RCSD1: variants seen among roughly 807,000 people sequenced by gnomAD.
RCSD1 encodes the protein RCSD domain containing 1.
A neutral mutation model predicts 42.5 loss-of-function variants in RCSD1; 26 were observed. The observed-to-expected ratio is 0.61, with a 90% CI of 0.45 to 0.85. RCSD1 has a LOEUF of 0.85. Among genes scored for constraint, RCSD1 ranks in the 40% least tolerant of loss-of-function variants. The pLI is 0.00. For synonymous variants in RCSD1, 220 were observed against 212.2 expected (o/e 1.04, Z -0.32); for missense variants, 571 against 528.3 (o/e 1.08, Z -0.79).
At position 167,630,267 on chromosome 1, in the gene RCSD1, G is replaced by T. The variant is rs1432621716; in HGVS notation, c.-157G>T. On this transcript the variant is annotated 5_prime_UTR_variant, in exon 1 of 7. Coordinates refer to ENST00000367854, the MANE Select transcript of RCSD1 (RefSeq NM_052862.4). ...GGGCCCCCGCGGCCGGGGCAGTCCC[G>T]CAGCCGAGCGCAGCCGGGCGCGCGC... 2 of 508,038 alleles carry T rather than the reference G, an allele frequency of 3.9e-6. No homozygotes were observed. Among genetic ancestry groups the T allele is most frequent in the Non-Finnish European group, 5.1e-6 (2 of 391,134 alleles). 31.5% of individuals were successfully genotyped at this position (508,038 alleles called of 1,614,324 possible). A position where few individuals can be genotyped will look rare whatever the true frequency, so the allele number is the denominator to read the frequency against.
At position 167,704,932 on chromosome 1, in the gene RCSD1, T is replaced by C. The variant is rs921020779; in HGVS notation, c.*236T>C. The C allele has an allele frequency of 7.8e-5, 38 of 485,902 alleles. 1 individual carries two copies. The highest frequency in any genetic ancestry group is 6.4e-4 in the South Asian group (30 of 47,014). The allele number at this position is 485,902 out of a possible 1,614,324, so 30.1% of individuals were successfully genotyped here. On this transcript the variant is annotated 3_prime_UTR_variant, in exon 7 of 7. Transcript: ENST00000367854. ...TTTTATCAGCTTGAGTTTATGTCAT[T>C]TGATGGACTTGGTTCAACAACAAGA...
Position 167,685,485 on chromosome 1 carries a change from T to G in RCSD1, c.173T>G (p.Val58Gly), listed in dbSNP as rs767271482. Residue 58 changes from valine (V) to glycine (G), a missense_variant, in exon 3 of 7, where the codon GTA becomes GGA. Physicochemically the swap from Val to Gly is moderately radical, Grantham distance 109. Coordinates refer to ENST00000367854, the MANE Select transcript of RCSD1 (RefSeq NM_052862.4). ...TCCCTCCCCCTGTTCCCCCCCAAGG[T>G]AGACCTGGGCCAGAATGGTGAGGAG... ...PCSLPLFPPKVDLGQNGEEKS... is the reference protein window; with the variant it reads ...PCSLPLFPPKGDLGQNGEEKS... 6.2e-7 allele frequency: 1 copy of G among 1,613,718 alleles called. No homozygotes were observed. Among genetic ancestry groups the G allele is most frequent in the Non-Finnish European group, 8.5e-7 (1 of 1,179,838 alleles).
At chr1:167,647,615 T>G (rs1658190778) in intron 1 of RCSD1, among the ~76,000 whole-genome samples, 1 of 152,120 alleles carries the variant, frequency 6.6e-6, no homozygotes, top group African/African-American at 2.4e-5. Flanking sequence ...GTGGTGCACC[T>G]GTAGTCCCAG....
chr1:167,643,640 G>T (rs1658060475), intron 1 of RCSD1, among the ~76,000 whole-genome samples: 1 of 152,020 alleles, frequency 6.6e-6, no homozygotes, highest in Non-Finnish European at 1.5e-5. Flanking sequence ...CACACAGAGA[G>T]CCATATGGCT....
intron 2 of RCSD1, among the ~76,000 whole-genome samples, chr1:167,684,684 G>T (rs1659179364): frequency 6.6e-6 from 1 of 152,160 alleles, no homozygotes; most frequent in Non-Finnish European, 1.5e-5. Context: ...CGACCAGCCT[G>T]ACCAACATGG....
intron 4 of RCSD1, among the ~76,000 whole-genome samples, chr1:167,690,736 T>TC (rs141410679): frequency 0.012 from 1,789 of 152,186 alleles, 33 homozygotes; most frequent in African/African-American, 0.042. Context: ...CATAAACACT[T>TC]TGAAATAGCC....
intron 1 of RCSD1, among the ~76,000 whole-genome samples, chr1:167,638,132 T>G (rs1657907899): frequency 6.6e-6 from 1 of 152,220 alleles, no homozygotes; most frequent in African/African-American, 2.4e-5. Context: ...TTTCCCACCC[T>G]GCTGGGCTGC....
Position 167,697,731 on chromosome 1 carries a change from A to G in RCSD1, c.1107A>G (p.Glu369=). 1 of 1,582,216 alleles carries G rather than the reference A, an allele frequency of 6.3e-7. No individual in the cohort carries two copies. The highest frequency in any genetic ancestry group is 2.3e-5 in the East Asian group (1 of 44,108). The change falls in exon 6 of 7, where the codon GAA becomes GAG. Residue 369 remains glutamate, a synonymous_variant. Coordinates refer to ENST00000367854, the MANE Select transcript of RCSD1 (RefSeq NM_052862.4). The part of the protein sequence containing the change: ...GDVPKQEKGK[E]KQQEGAVLEP... ...TCCCCAAGCAGGAAAAAGGCAAGGA[A>G]AAACAACAGGAGGGGGCAGTGCTCG...
chr1:167,683,946 C>T lies in RCSD1; in HGVS notation c.53C>T (p.Pro18Leu). The change falls in exon 2 of 7, where the codon CCC becomes CTC. Residue 18 changes from proline to leucine, a missense_variant. Coordinates refer to ENST00000367854, the MANE Select transcript of RCSD1 (RefSeq NM_052862.4). ...GCCAATGTGGACAACTCGGCGTCCC[C>T]CTCGGTGGCCCAGCTGGCCGGGCGG... is the stretch of plus-strand genomic sequence containing the variant. The part of the protein sequence containing the change: ...TNANVDNSAS[P>L]SVAQLAGRFR... 6.2e-7 allele frequency: 1 copy of T among 1,614,218 alleles called. No individual in the cohort carries two copies. The highest frequency in any genetic ancestry group is 8.5e-7 in the Non-Finnish European group (1 of 1,180,044).
intron 1 of RCSD1, among the ~76,000 whole-genome samples, chr1:167,645,916 A>G (rs540140439): frequency 6.6e-6 from 1 of 152,200 alleles, no homozygotes; most frequent in African/African-American, 2.4e-5. Context: ...GGCTCACGGG[A>G]TGGAAGGGAT....
At chr1:167,643,603 A>C (rs2102200468) in intron 1 of RCSD1, among the ~76,000 whole-genome samples, 1 of 152,348 alleles carries the variant, frequency 6.6e-6, no homozygotes, top group Admixed American at 6.5e-5. Context: ...ATGGGGAGGC[A>C]GTGCAATGGC....
At chr1:167,695,621 C>G (rs1363458874) in intron 5 of RCSD1, among the ~76,000 whole-genome samples, 1 of 151,766 alleles carries the variant, frequency 6.6e-6, no homozygotes, top group Non-Finnish European at 1.5e-5. Flanking sequence ...TCATCGCAAC[C>G]CCCACCTCCT....
intron 1 of RCSD1, among the ~76,000 whole-genome samples, chr1:167,655,113 C>T (rs6656685): frequency 0.038 from 5,768 of 152,144 alleles, 160 homozygotes; most frequent in Non-Finnish European, 0.06. Flanking sequence ...GCACCTCTCC[C>T]GAAGGAAATG....
rs768002285 is a variant in RCSD1 at position 167,690,093 on chromosome 1, G to A, written c.243G>A (p.Lys81=). The change falls in exon 4 of 7, where the codon AAG becomes AAA. Residue 81 remains lysine, a synonymous_variant. Coordinates refer to ENST00000367854, the MANE Select transcript of RCSD1 (RefSeq NM_052862.4). Reference sequence around the variant, plus strand: ...GCCACCCTCCTAAATTCAAGGTCAAGAGCTCGCCTCTGATTGAGAAGCTTC... The same window carrying A: ...GCCACCCTCCTAAATTCAAGGTCAAAAGCTCGCCTCTGATTGAGAAGCTTC... ...NASHPPKFKV[K]SSPLIEKLQA... 6.2e-7 allele frequency: 1 copy of A among 1,614,150 alleles called. No individual in the cohort carries two copies. The highest frequency in any genetic ancestry group is 1.1e-5 in the South Asian group (1 of 91,078).
At chr1:167,636,947 G>A (rs1005381496) in intron 1 of RCSD1, among the ~76,000 whole-genome samples, 1 of 152,142 alleles carries the variant, frequency 6.6e-6, no homozygotes, top group African/African-American at 2.4e-5. Context: ...CAGGCACTGC[G>A]GATCTAAAGG....
chr1:167,704,780 G>C lies in RCSD1; in HGVS notation c.*84G>C. The C allele has an allele frequency of 7.2e-7, 1 of 1,387,792 alleles. No individual in the cohort carries two copies. The highest frequency in any genetic ancestry group is 1.0e-6 in the Non-Finnish European group (1 of 982,752). 86.0% of individuals were successfully genotyped at this position (1,387,792 alleles called of 1,614,324 possible). On this transcript the variant is annotated 3_prime_UTR_variant, in exon 7 of 7. Coordinates refer to ENST00000367854, the MANE Select transcript of RCSD1 (RefSeq NM_052862.4). ...AGCAACAGTTGTAGCAGCAGCAGAC[G>C]AAGCCATTGCAGAGGCAGAATATGC...
chr1:167,684,597 G>A (rs937742038), intron 2 of RCSD1, among the ~76,000 whole-genome samples: 1 of 152,106 alleles, frequency 6.6e-6, no homozygotes, highest in Admixed American at 6.5e-5. Flanking sequence ...TGAGGGGGCC[G>A]GGCACGGTGG....
At chr1:167,632,686 TCAC>T (rs60189548) in intron 1 of RCSD1, among the ~76,000 whole-genome samples, 115,235 of 151,662 alleles carry the variant, frequency 0.76, 44,282 homozygotes, top group East Asian at 0.83. Context: ...ACCCTGCGTC[TCAC>T]ATCCAGTAGG....
At chr1:167,688,678 A>C (rs1659300547) in intron 3 of RCSD1, among the ~76,000 whole-genome samples, 2 of 152,204 alleles carry the variant, frequency 1.3e-5, no homozygotes, top group African/African-American at 4.8e-5. Context: ...GATCACGAGG[A>C]GTTCAGTTGG....
Sources: gnomAD v4.1 joint callset for allele counts (sites outside exome capture counted in the v4.1 genomes callset) on GRCh38, gnomAD v4.1.1 for gene constraint, MANE v1.5 for transcripts, NCBI Gene and HGNC (gene_info 2026-07-23, HGNC 2026-07-21) for gene names.